Variants in NFILZ observed in about 807,000 individuals in gnomAD.
The protein encoded by NFILZ is NFIL3 like basic leucine zipper, also known as NFIL3 like protein.
intron 3 of NFILZ, among the ~76,000 whole-genome samples, chr19:8,648,835 C>G (rs1287771267): frequency 1.3e-4 from 17 of 134,288 alleles, no homozygotes; most frequent in Non-Finnish European, 4.7e-5. Flanking sequence ...GCCTGGGCAA[C>G]AAAGTGAGAC....
At chr19:8,661,038 C>G (rs1555749037) in intron 3 of NFILZ, among the ~76,000 whole-genome samples, 1 of 101,980 alleles carries the variant, frequency 9.8e-6, no homozygotes, top group African/African-American at 4.2e-5. Context: ...CCTCTCCCTC[C>G]CTTCCGTCCC....
chr19:8,647,795 GCACACACA>G lies in NFILZ; in HGVS notation c.-164+12084_-164+12091del, dbSNP rs879996864. On this transcript the variant is annotated intron_variant, in intron 3 of 5. Transcript: ENST00000691075. ...CGCACACATGCGCGCGCGCGCGCGCGCACACACACACACACACACACACACACACACAC... is the reference window on the plus strand; with the variant it reads ...CGCACACATGCGCGCGCGCGCGCGCGCACACACACACACACACACACACAC... Among the ~76,000 whole-genome samples, 122 of 76,318 alleles carry G rather than the reference GCACACACA, an allele frequency of 1.6e-3. 2 individuals are homozygous for G. Among genetic ancestry groups the G allele is most frequent in the African/African-American group, 5.4e-3 (101 of 18,628 alleles). The allele number at this position is 76,318 out of a possible 152,430, so 50.1% of individuals were successfully genotyped here.
At chr19:8,663,754 G>GTGTGTA (rs1475816997) in intron 3 of NFILZ, among the ~76,000 whole-genome samples, 13,139 of 117,474 alleles carry the variant, frequency 0.11, 1,396 homozygotes, top group East Asian at 0.59. Flanking sequence ...GTGTGTGTGT[G>GTGTGTA]TGTGTGTGTG....
intron 3 of NFILZ, among the ~76,000 whole-genome samples, chr19:8,659,506 G>T (rs2043020038): frequency 6.6e-6 from 1 of 152,130 alleles, no homozygotes; most frequent in Non-Finnish European, 1.5e-5. Flanking sequence ...GAAGGCCAGT[G>T]TGGCTGGAGT....
chr19:8,643,064 CT>C (rs1183915686), intron 3 of NFILZ, among the ~76,000 whole-genome samples: 1 of 151,888 alleles, frequency 6.6e-6, no homozygotes, highest in Admixed American at 6.6e-5. Context: ...CTCCCCCCAC[CT>C]CAGCCTCTTG....
chr19:8,656,257 C>G (rs1600147169), intron 3 of NFILZ, among the ~76,000 whole-genome samples: 1 of 150,558 alleles, frequency 6.6e-6, no homozygotes, highest in Non-Finnish European at 1.5e-5. Flanking sequence ...TCCACGCAGC[C>G]CATCTTCTCT....
chr19:8,653,915 C>T (rs116697782), intron 3 of NFILZ, among the ~76,000 whole-genome samples: 131 of 152,170 alleles, frequency 8.6e-4, no homozygotes, highest in African/African-American at 3.0e-3. Context: ...CAGACTTCAC[C>T]GCTAAACAAT....
At chr19:8,655,379 T>TC (rs2042987486) in intron 3 of NFILZ, among the ~76,000 whole-genome samples, 1 of 152,132 alleles carries the variant, frequency 6.6e-6, no homozygotes, top group African/African-American at 2.4e-5. Context: ...CAGGTCTTCC[T>TC]CCCCCTGTAC....
In NFILZ at chr19:8,632,168, C is replaced by A. The variant is rs140257255; in HGVS notation, c.-410-308C>A. On this transcript the variant is annotated intron_variant, in intron 1 of 5. Coordinates refer to ENST00000691075, the MANE Select transcript of NFILZ (RefSeq NM_001378600.1). Reference sequence around the variant, plus strand: ...ACAGGCGTGAGCCACCGCGCCCGGCCGCCCTTGTGTTTTATTACTGGGATG... The same window carrying A: ...ACAGGCGTGAGCCACCGCGCCCGGCAGCCCTTGTGTTTTATTACTGGGATG... Among the ~76,000 whole-genome samples, 1,067 of 151,864 alleles carry A rather than the reference C, an allele frequency of 7.0e-3. 20 individuals are homozygous for A. The highest frequency in any genetic ancestry group is 0.024 in the African/African-American group (1,005 of 41,356).
rs1191280878 is a variant in NFILZ, at chr19:8,677,926, C to T, written c.*291C>T. Among the ~76,000 whole-genome samples the T allele has an allele frequency of 5.3e-5, 8 of 151,996 alleles. No individual in the cohort carries two copies. Among genetic ancestry groups the T allele is most frequent in the Admixed American group, 3.3e-4 (5 of 15,258 alleles). On this transcript the variant is annotated 3_prime_UTR_variant, in exon 6 of 6. Coordinates refer to ENST00000691075, the MANE Select transcript of NFILZ (RefSeq NM_001378600.1). ...TCCTCCTTTCCATTTATCTATTCTT[C>T]CCTATAGCCATCCATTCATCCATTC...
chr19:8,652,227 A>C (rs10415596), intron 3 of NFILZ, among the ~76,000 whole-genome samples: 2,501 of 151,356 alleles, frequency 0.017, 67 homozygotes, highest in African/African-American at 0.058. Flanking sequence ...CTCAGGCTCC[A>C]GAGTAGCTGG....
In NFILZ at chr19:8,656,461, T is replaced by TGCAGCCCACCTTCTC. The variant is rs2043001617; in HGVS notation, c.-163-18090_-163-18089insGCAGCCCACCTTCTC. ...CCTTCTCCTCGAAGCCCACCTTCTC[T>TGCAGCCCACCTTCTC]CTGAAGCCCACCTTCTCCCGCAGCC... On this transcript the variant is annotated intron_variant, in intron 3 of 5. Coordinates refer to ENST00000691075, the MANE Select transcript of NFILZ (RefSeq NM_001378600.1). Among the ~76,000 whole-genome samples the TGCAGCCCACCTTCTC allele has an allele frequency of 6.5e-3, 119 of 18,342 alleles. 5 individuals carry two copies. The highest frequency in any genetic ancestry group is 0.04 in the South Asian group (14 of 354). The allele number at this position is 18,342 out of a possible 152,430, so 12.0% of individuals were successfully genotyped here. A position where few individuals can be genotyped will look rare whatever the true frequency, so the allele number is the denominator to read the frequency against.
Position 8,644,220 on chromosome 19 carries a change from C to T in NFILZ, c.-164+8474C>T, listed in dbSNP as rs1045693775. Among the ~76,000 whole-genome samples, 9 of 152,100 alleles carry T rather than the reference C, an allele frequency of 5.9e-5. No homozygotes were observed. In the South Asian group the frequency reaches 1.9e-3, roughly 32 times the overall value. ...GGTTCAGATGACTCTCATGCCTCAG[C>T]CTACCAAGTAGCTGGGATTACAGGC... is the stretch of plus-strand genomic sequence containing the variant. On this transcript the variant is annotated intron_variant, in intron 3 of 5. Transcript: ENST00000691075.
intron 3 of NFILZ, among the ~76,000 whole-genome samples, chr19:8,664,556 G>A (rs140370895): frequency 7.9e-5 from 12 of 152,170 alleles, no homozygotes; most frequent in Non-Finnish European, 1.5e-4. Context: ...CCACAGAAGC[G>A]TCTCGGTTTT....
Position 8,678,958 on chromosome 19 carries a change from G to C in NFILZ, c.*1323G>C, listed in dbSNP as rs782633918. ...ACATACTGAAGACCAGACTGAAGGA[G>C]GAGGTAACGTCTAGGGTGTCTGAAT... On this transcript the variant is annotated 3_prime_UTR_variant, in exon 6 of 6. Coordinates refer to ENST00000691075, the MANE Select transcript of NFILZ (RefSeq NM_001378600.1). 6.6e-6 allele frequency among the ~76,000 whole-genome samples: 1 copy of C among 152,188 alleles called. No individual in the cohort carries two copies. Among genetic ancestry groups the C allele is most frequent in the Non-Finnish European group, 1.5e-5 (1 of 68,032 alleles).
intron 3 of NFILZ, among the ~76,000 whole-genome samples, chr19:8,656,445 C>CT (rs1568421649): frequency 0.043 from 780 of 18,260 alleles, 73 homozygotes; most frequent in African/African-American, 0.081. Flanking sequence ...ACCTTCTCCT[C>CT]GAAGCCCACC....
chr19:8,667,474 T>A (rs782165074), intron 3 of NFILZ, among the ~76,000 whole-genome samples: 2 of 152,226 alleles, frequency 1.3e-5, no homozygotes, highest in Non-Finnish European at 2.9e-5. Flanking sequence ...AATCCATGGA[T>A]ACTCAAGTTT....
intron 3 of NFILZ, among the ~76,000 whole-genome samples, chr19:8,670,430 G>T (rs552546664): frequency 6.6e-6 from 1 of 152,030 alleles, no homozygotes; most frequent in African/African-American, 2.4e-5. Context: ...ACCATTAAAC[G>T]TATGAATATT....
At chr19:8,646,335 C>G (rs1304446606) in intron 3 of NFILZ, among the ~76,000 whole-genome samples, 10 of 152,290 alleles carry the variant, frequency 6.6e-5, no homozygotes, top group Admixed American at 5.9e-4. Context: ...CTGCGCCCAG[C>G]CTAACCACTT....
Sources: gnomAD v4.1 joint callset for allele counts (sites outside exome capture counted in the v4.1 genomes callset) on GRCh38, gnomAD v4.1.1 for gene constraint, MANE v1.5 for transcripts, NCBI Gene and HGNC (gene_info 2026-07-23, HGNC 2026-07-21) for gene names.